The following ADAMTS12 variants were observed in gnomAD, a reference collection of about 807,000 sequenced individuals.
The protein encoded by ADAMTS12 is ADAM metallopeptidase with thrombospondin type 1 motif 12.
A neutral mutation model predicts 167.8 loss-of-function variants in ADAMTS12; 118 were observed. The ratio of observed to expected loss-of-function variants is 0.70; its 90% CI spans 0.61 to 0.82. The LOEUF (loss-of-function observed/expected upper bound fraction) is 0.82. Ranked by LOEUF, ADAMTS12 falls within the 40% of genes least tolerant of loss-of-function variation. The pLI, the probability that ADAMTS12 is intolerant of heterozygous loss-of-function variation, is 0.00. For missense variants in ADAMTS12, 1,916 were observed against 1,998.8 expected (o/e 0.96, Z 0.79); for synonymous variants, 704 against 716.9 (o/e 0.98, Z 0.29).
At chr5:33,710,687 G>C (rs377598390) in intron 3 of ADAMTS12, among the ~76,000 whole-genome samples, 15 of 152,272 alleles carry the variant, frequency 9.9e-5, no homozygotes, top group East Asian at 7.7e-4. Context: ...TGGAAGACAC[G>C]AACAGACTGC....
chr5:33,886,258 C>A (rs1446530313), intron 1 of ADAMTS12, among the ~76,000 whole-genome samples: 5 of 152,102 alleles, frequency 3.3e-5, no homozygotes, highest in Non-Finnish European at 7.4e-5. Context: ...TTTAAGAGAG[C>A]CAATTTAAGT....
chr5:33,669,870 T>G (rs371755077), intron 5 of ADAMTS12, among the ~76,000 whole-genome samples: 6 of 151,904 alleles, frequency 3.9e-5, no homozygotes, highest in African/African-American at 1.4e-4. Context: ...AAATGGATGA[T>G]AGACTTAAAT....
intron 2 of ADAMTS12, among the ~76,000 whole-genome samples, chr5:33,763,117 G>T (rs1037845645): frequency 4.6e-5 from 7 of 152,162 alleles, no homozygotes; most frequent in Admixed American, 3.9e-4. Flanking sequence ...AAGCAAGCCT[G>T]GTGTGGTAGG....
At chr5:33,632,671 C>G (rs1162813173) in intron 12 of ADAMTS12, among the ~76,000 whole-genome samples, 2 of 152,170 alleles carry the variant, frequency 1.3e-5, no homozygotes, top group Non-Finnish European at 2.9e-5. Flanking sequence ...AAGGGAGCAA[C>G]CTGGGAACAA....
At chr5:33,880,231 G>T (rs566279370) in intron 2 of ADAMTS12, among the ~76,000 whole-genome samples, 2 of 152,296 alleles carry the variant, frequency 1.3e-5, no homozygotes, top group African/African-American at 4.8e-5. Flanking sequence ...GAGGCAAAGT[G>T]GACAATGTAC....
chr5:33,851,360 C>T (rs1297765367), intron 2 of ADAMTS12, among the ~76,000 whole-genome samples: 1 of 151,914 alleles, frequency 6.6e-6, no homozygotes, highest in Non-Finnish European at 1.5e-5. Flanking sequence ...TGCAGTGAGC[C>T]GAGATCACGC....
intron 2 of ADAMTS12, among the ~76,000 whole-genome samples, chr5:33,772,044 T>C (rs1745757243): frequency 6.6e-6 from 1 of 152,148 alleles, no homozygotes; most frequent in East Asian, 1.9e-4. Context: ...TTTTTGTAGA[T>C]ATGGGGCCTC....
chr5:33,847,356 C>T (rs1265497708), intron 2 of ADAMTS12, among the ~76,000 whole-genome samples: 1 of 152,220 alleles, frequency 6.6e-6, no homozygotes, highest in Non-Finnish European at 1.5e-5. Flanking sequence ...GGCACTGTGG[C>T]TCACGCCTGT....
At chr5:33,790,800 T>C (rs1746533138) in intron 2 of ADAMTS12, among the ~76,000 whole-genome samples, 1 of 148,560 alleles carries the variant, frequency 6.7e-6, no homozygotes, top group South Asian at 2.1e-4. Flanking sequence ...TATATATATA[T>C]ATATATATAT....
intron 2 of ADAMTS12, among the ~76,000 whole-genome samples, chr5:33,756,376 G>A (rs770438303): frequency 8.5e-5 from 13 of 152,174 alleles, no homozygotes; most frequent in South Asian, 4.1e-4. Flanking sequence ...TTTAGGCGGC[G>A]AAGCCAAGAT....
At chr5:33,604,283 C>T (rs769423694) in intron 16 of ADAMTS12, among the ~76,000 whole-genome samples, 2 of 152,096 alleles carry the variant, frequency 1.3e-5, no homozygotes, top group Non-Finnish European at 2.9e-5. Flanking sequence ...GGGCAGATCA[C>T]CTGAGGTCAG....
intron 22 of ADAMTS12, among the ~76,000 whole-genome samples, chr5:33,543,875 G>T (rs1744828687): frequency 6.6e-6 from 1 of 152,048 alleles, no homozygotes; most frequent in Non-Finnish European, 1.5e-5. Flanking sequence ...AATAATAAGA[G>T]CTATTTATGA....
rs112073359 is a variant in ADAMTS12 at position 33,742,650 on chromosome 5, G to A, written c.634+8754C>T. Among the ~76,000 whole-genome samples, 1,459 of 152,160 alleles carry A rather than the reference G, an allele frequency of 9.6e-3. 24 individuals are homozygous for A. The highest frequency in any genetic ancestry group is 0.032 in the African/African-American group (1,343 of 41,508). ...ATTTATTAAATGATTACTATGCATC[G>A]GACACTAGGCTTGATACTTAAAATA... On this transcript the variant is annotated intron_variant, in intron 3 of 23. Transcript: ENST00000504830.
chr5:33,734,826 A>G lies in ADAMTS12; in HGVS notation c.634+16578T>C, dbSNP rs77449027. On this transcript the variant is annotated intron_variant, in intron 3 of 23. Transcript: ENST00000504830. ...CTGCTCAGGGCTTGGGAAATGTTCC[A>G]GAGCCTGGCTGAAGGAGGAGCTTGT... Among the ~76,000 whole-genome samples, 1,430 of 152,314 alleles carry G rather than the reference A, an allele frequency of 9.4e-3. 26 individuals carry two copies. Among genetic ancestry groups the G allele is most frequent in the African/African-American group, 0.033 (1,386 of 41,562 alleles).
rs370970391 is a variant in ADAMTS12, at chr5:33,549,234, C to T, written c.4275G>A (p.Glu1425=). Residue 1425 remains glutamate (E), a synonymous_variant, in exon 21 of 24, where the codon GAG becomes GAA. Coordinates refer to ENST00000504830, the MANE Select transcript of ADAMTS12 (RefSeq NM_030955.4). ...LSMSCNPEPC[E]AWQVEPWSQC... ...GGCTCCAAGGCTCCACCTGCCACGCCTCACAGGGCTCCGGGTTACAGCTCA... is the reference window on the plus strand; with the variant it reads ...GGCTCCAAGGCTCCACCTGCCACGCTTCACAGGGCTCCGGGTTACAGCTCA... 1.2e-6 allele frequency: 2 copies of T among 1,613,976 alleles called. No individual in the cohort carries two copies. Among genetic ancestry groups the T allele is most frequent in the African/African-American group, 2.7e-5 (2 of 74,938 alleles).
At chr5:33,617,518 TTTAA>T (rs1739086895) in intron 14 of ADAMTS12, among the ~76,000 whole-genome samples, 1 of 152,232 alleles carries the variant, frequency 6.6e-6, no homozygotes, top group African/African-American at 2.4e-5. Context: ...TTGCGTAGTA[TTTAA>T]TTAAGTTCCA....
intron 2 of ADAMTS12, among the ~76,000 whole-genome samples, chr5:33,821,624 T>C (rs1747871898): frequency 6.6e-6 from 1 of 152,194 alleles, no homozygotes; most frequent in African/African-American, 2.4e-5. Flanking sequence ...CTCCCCACTC[T>C]CTAAGTACTC....
chr5:33,599,245 C>T (rs1738063971), intron 16 of ADAMTS12, among the ~76,000 whole-genome samples: 1 of 152,294 alleles, frequency 6.6e-6, no homozygotes, highest in South Asian at 2.1e-4. Flanking sequence ...TTTAAGGGTG[C>T]TTTGTTATAT....
chr5:33,602,273 C>A (rs1738226452), intron 16 of ADAMTS12, among the ~76,000 whole-genome samples: 1 of 152,208 alleles, frequency 6.6e-6, no homozygotes, highest in African/African-American at 2.4e-5. Context: ...ATTAGATTAG[C>A]CACTCTGATT....
Sources: gnomAD v4.1 joint callset for allele counts (sites outside exome capture counted in the v4.1 genomes callset) on GRCh38, gnomAD v4.1.1 for gene constraint, MANE v1.5 for transcripts, NCBI Gene and HGNC (gene_info 2026-07-23, HGNC 2026-07-21) for gene names.